LIMCH1: variants seen among roughly 807,000 people sequenced by gnomAD.
The protein encoded by LIMCH1 is LIM and calponin homology domains-containing protein 1.
Under a neutral mutation model 176.5 loss-of-function variants are expected in LIMCH1, and 113 were observed. The ratio of observed to expected loss-of-function variants is 0.64; its 90% CI spans 0.55 to 0.75. The LOEUF (loss-of-function observed/expected upper bound fraction) is 0.75. LIMCH1 is among the 30% of genes least tolerant of loss of function. The pLI is 0.00. For synonymous variants in LIMCH1, 619 were observed against 645.9 expected, an observed-to-expected ratio of 0.96 and a Z score of 0.63; for missense variants, 1,674 against 1,814.9, an observed-to-expected ratio of 0.92 and a Z score of 1.41.
chr4:41,480,012 T>C (rs2068328047), intron 1 of LIMCH1, among the ~76,000 whole-genome samples: 1 of 152,124 alleles, frequency 6.6e-6, no homozygotes, highest in Non-Finnish European at 1.5e-5. Flanking sequence ...ACTCCAGTTA[T>C]GGATTTTCTT....
At chr4:41,411,458 C>A (rs1427923288) in intron 1 of LIMCH1, among the ~76,000 whole-genome samples, 1 of 152,186 alleles carries the variant, frequency 6.6e-6, no homozygotes, top group Non-Finnish European at 1.5e-5. Flanking sequence ...ATCCTCCTGC[C>A]TCAGCCTCCT....
chr4:41,578,200 C>G (rs897989462), intron 1 of LIMCH1, among the ~76,000 whole-genome samples: 2 of 152,164 alleles, frequency 1.3e-5, no homozygotes, highest in South Asian at 4.1e-4. Flanking sequence ...AACTTACAAT[C>G]ATGGCGTAGA....
intron 2 of LIMCH1, among the ~76,000 whole-genome samples, chr4:41,502,907 T>A (rs1221512702): frequency 1.4e-5 from 2 of 142,124 alleles, no homozygotes; most frequent in Non-Finnish European, 3.1e-5. Flanking sequence ...CGGAGGTAAA[T>A]CACACACACA....
intron 1 of LIMCH1, among the ~76,000 whole-genome samples, chr4:41,482,610 G>C (rs973034929): frequency 3.9e-5 from 6 of 152,010 alleles, no homozygotes; most frequent in Admixed American, 1.3e-4. Flanking sequence ...TATAAGAGGA[G>C]AGCCAGGAAA....
intron 1 of LIMCH1, among the ~76,000 whole-genome samples, chr4:41,580,076 G>T (rs777652118): frequency 3.3e-5 from 5 of 152,146 alleles, no homozygotes; most frequent in Non-Finnish European, 7.3e-5. Flanking sequence ...TGAGTTCCAG[G>T]CCTATGCATG....
intron 1 of LIMCH1, among the ~76,000 whole-genome samples, chr4:41,472,021 T>C (rs146656714): frequency 2.0e-4 from 30 of 152,358 alleles, no homozygotes; most frequent in African/African-American, 7.2e-4. Flanking sequence ...TGGTGTGCAA[T>C]TTTAATTCCT....
At chr4:41,524,914 T>C (rs1306205773) in intron 3 of LIMCH1, among the ~76,000 whole-genome samples, 2 of 152,242 alleles carry the variant, frequency 1.3e-5, no homozygotes, top group Non-Finnish European at 2.9e-5. Context: ...ATAATCTACT[T>C]GGGTTGAAAT....
chr4:41,447,869 C>A (rs887815365), intron 1 of LIMCH1, among the ~76,000 whole-genome samples: 34 of 152,140 alleles, frequency 2.2e-4, no homozygotes, highest in African/African-American at 7.2e-4. Flanking sequence ...CCGCTGACTG[C>A]AACCTCTGCC....
At chr4:41,498,177 T>C (rs534044256) in intron 2 of LIMCH1, among the ~76,000 whole-genome samples, 1 of 152,186 alleles carries the variant, frequency 6.6e-6, no homozygotes, top group Non-Finnish European at 1.5e-5. Flanking sequence ...CAGTTTTTGA[T>C]AGAGCAGTCA....
chr4:41,512,873 A>G (rs2075098658), intron 2 of LIMCH1, among the ~76,000 whole-genome samples: 1 of 152,194 alleles, frequency 6.6e-6, no homozygotes, highest in Non-Finnish European at 1.5e-5. Flanking sequence ...ATTGAATTCT[A>G]CATTTTCAGT....
At chr4:41,565,284 C>T (rs902861250) in intron 1 of LIMCH1, among the ~76,000 whole-genome samples, 3 of 148,786 alleles carry the variant, frequency 2.0e-5, no homozygotes, top group Admixed American at 6.8e-5. Context: ...CATAGTGATT[C>T]GAGGGCTCTC....
rs775164964 is a variant in LIMCH1 at position 41,633,753 on chromosome 4, G to T, written c.2035G>T (p.Ala679Ser). Residue 679 changes from alanine (A) to serine (S), a missense_variant, in exon 13 of 32, where the codon GCA becomes TCA. Ala to Ser is a moderately conservative substitution (Grantham distance 99). This residue lies in a region of LIMCH1 where 1,015 missense variants were observed against 1,102.5 expected (regional missense o/e 0.92). Coordinates refer to ENST00000503057, the MANE Select transcript of LIMCH1 (RefSeq NM_001330672.2). ...NPNQFLPVPF[A>S]KQQDVEESSK... ...AAACCAGTTCCTTCCAGTTCCATTT[G>T]CAAAGCAACAGGATGTGGAAGAATC... 8.5e-6 allele frequency: 13 copies of T among 1,536,146 alleles called. No homozygotes were observed. The highest frequency in any genetic ancestry group is 8.3e-5 in the South Asian group (7 of 84,062).
chr4:41,687,055 C>T (rs569955292), intron 28 of LIMCH1, among the ~76,000 whole-genome samples: 6 of 152,254 alleles, frequency 3.9e-5, no homozygotes, highest in East Asian at 1.9e-4. Context: ...GGGTGGGAAG[C>T]GGGATCAGGG....
At chr4:41,555,412 A>T (rs2081101444) in intron 1 of LIMCH1, among the ~76,000 whole-genome samples, 1 of 152,168 alleles carries the variant, frequency 6.6e-6, no homozygotes. Flanking sequence ...CATTGGTTCT[A>T]AGGACACTTG....
chr4:41,629,418 ACATTCT>A, intron 8 of LIMCH1, 68 bp from the exon 9 acceptor site: 1 of 1,486,690 alleles, frequency 6.7e-7, no homozygotes, highest in Non-Finnish European at 9.0e-7. Context: ...TCCATGCTTG[ACATTCT>A]CTTTGTCTGC....
intron 26 of LIMCH1, among the ~76,000 whole-genome samples, chr4:41,682,921 C>T (rs1213411443): frequency 6.6e-6 from 1 of 152,176 alleles, no homozygotes; most frequent in African/African-American, 2.4e-5. Context: ...AGGTGATCCA[C>T]CTGCCTCTAC....
intron 1 of LIMCH1, among the ~76,000 whole-genome samples, chr4:41,484,890 C>T (rs2069243017): frequency 1.3e-5 from 2 of 152,084 alleles, no homozygotes; most frequent in South Asian, 4.1e-4. Flanking sequence ...TACCAGATTG[C>T]TTTCAAAAAA....
rs1168206489 is a variant in LIMCH1 at position 41,661,455 on chromosome 4, G to T, written c.3072G>T (p.Glu1024Asp). ...TTEKTEPNSQ[E>D]DKNDGGKSRK... ...AGAAAACGGAACCGAATAGTCAAGA[G>T]GACAAGAATGATGGTGGAAAATCAA... The change falls in exon 19 of 32, where the codon GAG (glutamate) becomes GAT (aspartate). Residue 1024 changes from glutamate to aspartate, a missense_variant. This residue lies in a region of LIMCH1 where 1,015 missense variants were observed against 1,102.5 expected (regional missense o/e 0.92). Transcript: ENST00000503057. 2 of 1,612,318 alleles carry T rather than the reference G, an allele frequency of 1.2e-6. No homozygotes were observed. The highest frequency in any genetic ancestry group is 1.3e-5 in the African/African-American group (1 of 74,482).
At chr4:41,542,857 G>A (rs985100831) in intron 1 of LIMCH1, among the ~76,000 whole-genome samples, 8 of 152,244 alleles carry the variant, frequency 5.3e-5, no homozygotes, top group East Asian at 1.9e-4. Flanking sequence ...ATGAGTCAAC[G>A]CCAATAAATT....
Sources: gnomAD v4.1 joint callset for allele counts (sites outside exome capture counted in the v4.1 genomes callset) on GRCh38, gnomAD v4.1.1 for gene constraint, gnomAD v4.1.1 regional missense constraint, MANE v1.5 for transcripts, NCBI Gene and HGNC (gene_info 2026-07-23, HGNC 2026-07-21) for gene names.